Variants in EPS15L1 observed in about 807,000 individuals in gnomAD.
EPS15L1 encodes epidermal growth factor receptor substrate 15-like 1.
EPS15L1 carries 43 observed loss-of-function variants against 117.1 expected under a neutral mutation model. That is an observed-to-expected ratio of 0.37 (90% CI 0.29 to 0.47). The LOEUF (loss-of-function observed/expected upper bound fraction) is 0.47. Ranked by LOEUF, EPS15L1 falls within the 20% of genes least tolerant of loss-of-function variation. EPS15L1 has a pLI of 0.99. For missense variants in EPS15L1, 981 were observed against 1,164.0 expected, an observed-to-expected ratio of 0.84 and a Z score of 2.29; for synonymous variants, 459 against 470.5, an observed-to-expected ratio of 0.98 and a Z score of 0.32.
At chr19:16,398,490 T>C (rs2092563231) in intron 16 of EPS15L1, among the ~76,000 whole-genome samples, 1 of 151,872 alleles carries the variant, frequency 6.6e-6, no homozygotes, top group African/African-American at 2.4e-5. Context: ...GATGGAGAAG[T>C]CCTACTCTAA....
intron 3 of EPS15L1, 59 bp from the exon 4 acceptor site, chr19:16,440,968 A>C: frequency 6.4e-7 from 1 of 1,561,930 alleles, no homozygotes; most frequent in Non-Finnish European, 8.8e-7. Context: ...ACGTGTTAAC[A>C]AAAACCAGAG....
intron 1 of EPS15L1, among the ~76,000 whole-genome samples, chr19:16,468,435 G>T (rs2093321774): frequency 6.6e-6 from 1 of 152,128 alleles, no homozygotes; most frequent in Non-Finnish European, 1.5e-5. Context: ...AACCTCCGCC[G>T]CCTGGTTTCA....
chr19:16,425,429 C>T (rs1039283370), intron 8 of EPS15L1, 113 bp from the exon 9 acceptor site: 65 of 711,638 alleles, frequency 9.1e-5, no homozygotes, highest in East Asian at 5.1e-4. Context: ...TCTGTCAGGA[C>T]GCTCCCAAGC....
At position 16,441,976 on chromosome 19, in the gene EPS15L1, A is replaced by G; in HGVS notation, c.81T>C (p.Asp27=). The G allele has an allele frequency of 1.9e-6, 3 of 1,612,650 alleles. No individual in the cohort carries two copies. Among genetic ancestry groups the G allele is most frequent in the Non-Finnish European group, 2.5e-6 (3 of 1,179,436 alleles). ...CCCCCACCCTCCCTGTGTATGCCGG[A>G]TCGACCTGAAATGGGAGACCAAGAG... ...SLYESYYKQV[D]PAYTGRVGAS... is the part of the protein sequence containing the mutation. Residue 27 remains aspartate, a synonymous_variant, in exon 3 of 24, where the codon GAT becomes GAC. Coordinates refer to ENST00000455140, the MANE Select transcript of EPS15L1 (RefSeq NM_001258374.3).
At chr19:16,377,022 C>A (rs141348200) in intron 22 of EPS15L1, 100 bp downstream of exon 22, 3 of 1,422,504 alleles carry the variant, frequency 2.1e-6, no homozygotes, top group South Asian at 1.4e-5. Flanking sequence ...CAGGGTCCCA[C>A]GGCATCTGCT....
chr19:16,461,097 A>C (rs1006857586), intron 1 of EPS15L1, among the ~76,000 whole-genome samples: 9 of 152,032 alleles, frequency 5.9e-5, no homozygotes, highest in African/African-American at 2.2e-4. Context: ...TGAGGTCAGG[A>C]GATCGAGACC....
At chr19:16,432,664 C>T (rs867689505) in intron 7 of EPS15L1, among the ~76,000 whole-genome samples, 2 of 149,956 alleles carry the variant, frequency 1.3e-5, no homozygotes, top group Admixed American at 1.3e-4. Flanking sequence ...CCCAGCTACT[C>T]GGGAGGCTGA....
At chr19:16,469,312 A>T (rs1033104954) in intron 1 of EPS15L1, among the ~76,000 whole-genome samples, 2 of 152,094 alleles carry the variant, frequency 1.3e-5, no homozygotes, top group Non-Finnish European at 2.9e-5. Flanking sequence ...GAGGATGAAG[A>T]GTGAAGACCG....
chr19:16,369,810 A>C (rs561139936), intron 22 of EPS15L1, among the ~76,000 whole-genome samples: 4 of 152,270 alleles, frequency 2.6e-5, no homozygotes, highest in Non-Finnish European at 2.9e-5. Flanking sequence ...GGCTTCTTTG[A>C]AAATTCGCAT....
At position 16,355,462 on chromosome 19, in the gene EPS15L1, C is replaced by T. The variant is rs1158879266; in HGVS notation, c.*243G>A. The T allele has an allele frequency of 2.1e-6, 1 of 479,610 alleles. No individual in the cohort carries two copies. Among genetic ancestry groups the T allele is most frequent in the East Asian group, 3.2e-5 (1 of 31,300 alleles). 29.7% of individuals were successfully genotyped at this position (479,610 alleles called of 1,614,324 possible). On this transcript the variant is annotated 3_prime_UTR_variant, in exon 24 of 24. Coordinates refer to ENST00000455140, the MANE Select transcript of EPS15L1 (RefSeq NM_001258374.3). ...AGGAAGAGCGGGAGGCAGTCAGCCC[C>T]GGGGGGGATGGCACAGTGGAGAGAC...
At chr19:16,470,691 C>T (rs1483800016) in intron 1 of EPS15L1, among the ~76,000 whole-genome samples, 1 of 152,164 alleles carries the variant, frequency 6.6e-6, no homozygotes, top group East Asian at 1.9e-4. Context: ...CTGTGCACTT[C>T]TCTCTCCTTG....
chr19:16,423,253 G>A lies in EPS15L1; in HGVS notation c.793-1777C>T, dbSNP rs1384591127. ...GTGTGATGAAGTACAGCAAGGACTT[G>A]ATCAAACAATTTATCAAAATCCATG... On this transcript the variant is annotated intron_variant, in intron 9 of 23. Transcript: ENST00000455140. 7.9e-5 allele frequency among the ~76,000 whole-genome samples: 12 copies of A among 152,204 alleles called. 1 individual carries two copies. The East Asian group carries it at 2.3e-3, about 29-fold the overall frequency.
chr19:16,380,845 T>C (rs2092353574), intron 21 of EPS15L1, among the ~76,000 whole-genome samples: 2 of 152,260 alleles, frequency 1.3e-5, no homozygotes, highest in Non-Finnish European at 2.9e-5. Flanking sequence ...TGCAGTCATC[T>C]AGGCCTCTAG....
intron 22 of EPS15L1, among the ~76,000 whole-genome samples, chr19:16,374,575 C>G (rs980643896): frequency 6.6e-6 from 1 of 152,018 alleles, no homozygotes; most frequent in Non-Finnish European, 1.5e-5. Context: ...GGTAGGCTTG[C>G]AGAGGGAGAC....
chr19:16,402,337 C>T lies in EPS15L1; in HGVS notation c.1775G>A (p.Gly592Asp), dbSNP rs376322635. The change falls in exon 16 of 24, where the codon GGC becomes GAC. Residue 592 changes from glycine to aspartate, a missense_variant. Physicochemically the swap from Gly to Asp is moderately conservative, Grantham distance 94. Around this residue, in one of 5 missense-constraint regions of EPS15L1, gnomAD observed 819 missense variants for 949.0 expected, o/e 0.86. Coordinates refer to ENST00000455140, the MANE Select transcript of EPS15L1 (RefSeq NM_001258374.3). ...AACCTTTACCATGGCTCCAAAACTG[C>T]CCCTCTCTGCCAGGGAGACGCCTTC... is the stretch of plus-strand genomic sequence containing the variant. ...LSEGVSLAER[G>D]SFGAMDDPFK... The T allele has an allele frequency of 1.5e-5, 24 of 1,610,174 alleles. No individual in the cohort carries two copies. Among genetic ancestry groups the T allele is most frequent in the Non-Finnish European group, 2.0e-5 (24 of 1,178,586 alleles).
intron 21 of EPS15L1, among the ~76,000 whole-genome samples, chr19:16,384,864 C>A (rs2092402657): frequency 6.6e-6 from 1 of 152,220 alleles, no homozygotes; most frequent in South Asian, 2.1e-4. Flanking sequence ...AATGACTTCA[C>A]CGTCTGAGAC....
chr19:16,376,224 G>C (rs2092293472), intron 22 of EPS15L1, among the ~76,000 whole-genome samples: 1 of 152,242 alleles, frequency 6.6e-6, no homozygotes, highest in South Asian at 2.1e-4. Context: ...TCTGCCTGGA[G>C]GTTAGAGAAT....
In EPS15L1 at chr19:16,381,841, G is replaced by C. The variant is rs977256923; in HGVS notation, c.2247+3288C>G. On this transcript the variant is annotated intron_variant, in intron 21 of 23. Transcript: ENST00000455140. The surrounding 1 kb of genome is among the most constrained non-coding windows in gnomAD (Gnocchi z 4.2). ...GGCCTAGGGCCCGTGCGAGTCCCCC[G>C]CGGCCTGGGATGGGGAGCCAAGCAG... Among the ~76,000 whole-genome samples, 3 of 152,200 alleles carry C rather than the reference G, an allele frequency of 2.0e-5. No homozygotes were observed. Among genetic ancestry groups the C allele is most frequent in the Admixed American group, 6.5e-5 (1 of 15,280 alleles).
chr19:16,431,020 C>T (rs778869065), intron 7 of EPS15L1, among the ~76,000 whole-genome samples: 8 of 152,070 alleles, frequency 5.3e-5, no homozygotes, highest in Non-Finnish European at 1.0e-4. Flanking sequence ...AGGCGGATCA[C>T]CTGAGGCCAG....
Sources: allele counts gnomAD v4.1 joint callset (sites outside exome capture counted in the v4.1 genomes callset), GRCh38; gene constraint gnomAD v4.1.1; regional missense constraint gnomAD v4.1.1; non-coding constraint Gnocchi (gnomAD v3.1); transcripts MANE v1.5; gene names NCBI Gene and HGNC (gene_info 2026-07-23, HGNC 2026-07-21).